GAB2: variants seen among roughly 807,000 people sequenced by gnomAD.
GAB2 encodes GRB2 associated binding protein 2.
In GAB2, 26 loss-of-function variants were observed where a neutral mutation model predicts 65.5. That is an observed-to-expected ratio of 0.40 (90% CI 0.29 to 0.55). The LOEUF is 0.55. Ranked by LOEUF, GAB2 falls within the 20% of genes least tolerant of loss-of-function variation. The pLI is 0.53. For synonymous variants in GAB2, 321 were observed against 329.6 expected, an observed-to-expected ratio of 0.97 and a Z score of 0.28; for missense variants, 884 against 875.8, an observed-to-expected ratio of 1.01 and a Z score of -0.12.
intron 1 of GAB2, 44 bp downstream of exon 1, chr11:78,417,602 G>A: frequency 9.5e-7 from 1 of 1,054,100 alleles, no homozygotes; most frequent in Non-Finnish European, 1.2e-6. Flanking sequence ...CGCAGGCCCC[G>A]GAGCGCCCCC....
chr11:78,292,003 GGT>G (rs71877307), intron 1 of GAB2, among the ~76,000 whole-genome samples: 105,098 of 147,682 alleles, frequency 0.71, 38,607 homozygotes, highest in Non-Finnish European at 0.83. Context: ...GGTGTGTAGG[GGT>G]GTGTGTGTGT....
chr11:78,379,145 T>A (rs1422832654), intron 1 of GAB2, among the ~76,000 whole-genome samples: 2 of 152,248 alleles, frequency 1.3e-5, no homozygotes, highest in African/African-American at 4.8e-5. Context: ...CAGTAACTCC[T>A]CCTGTTCACA....
intron 1 of GAB2, among the ~76,000 whole-genome samples, chr11:78,378,899 A>G (rs1254174835): frequency 2.0e-5 from 3 of 152,300 alleles, no homozygotes; most frequent in African/African-American, 4.8e-5. Context: ...CACATGCCCA[A>G]TCCAAAATAA....
At chr11:78,415,192 T>TA (rs1372215025) in intron 1 of GAB2, among the ~76,000 whole-genome samples, 6 of 152,224 alleles carry the variant, frequency 3.9e-5, no homozygotes, top group Non-Finnish European at 7.3e-5. Context: ...GTCAGTTTTT[T>TA]AAAAAATCGT....
chr11:78,413,109 G>A (rs1329284447), intron 1 of GAB2, among the ~76,000 whole-genome samples: 1 of 152,202 alleles, frequency 6.6e-6, no homozygotes, highest in Non-Finnish European at 1.5e-5. Flanking sequence ...TTTGGAAGTG[G>A]TGAGTTTGTG....
At chr11:78,253,415 C>T (rs988493842) in intron 2 of GAB2, among the ~76,000 whole-genome samples, 5 of 152,100 alleles carry the variant, frequency 3.3e-5, no homozygotes, top group East Asian at 1.9e-4. Context: ...CCTTAGCCTC[C>T]GGAATAGCCA....
At chr11:78,333,767 G>A (rs1005148792) in intron 1 of GAB2, among the ~76,000 whole-genome samples, 6 of 152,150 alleles carry the variant, frequency 3.9e-5, no homozygotes, top group African/African-American at 1.4e-4. Context: ...TTTCTTGGCA[G>A]CATTTGAGAC....
Position 78,416,698 on chromosome 11 carries a change from A to G in GAB2, c.75+948T>C, listed in dbSNP as rs547508998. 1.4e-4 allele frequency among the ~76,000 whole-genome samples: 21 copies of G among 151,212 alleles called. No homozygotes were observed. In the East Asian group the frequency reaches 3.9e-3, roughly 28 times the overall value. ...TCCAAACTCCCGCGACTACCCCAAG[A>G]CCATTTCGGCCAAATCTCAGTAACT... On this transcript the variant is annotated intron_variant, in intron 1 of 9. Coordinates refer to ENST00000361507, the MANE Select transcript of GAB2 (RefSeq NM_080491.3).
In GAB2 at chr11:78,244,999, A is replaced by G. The variant is rs1865257387; in HGVS notation, c.620+5158T>C. 2.0e-5 allele frequency among the ~76,000 whole-genome samples: 3 copies of G among 152,234 alleles called. No individual in the cohort carries two copies. The South Asian group carries it at 6.2e-4, about 32-fold the overall frequency. On this transcript the variant is annotated intron_variant, in intron 3 of 9. Transcript: ENST00000361507. ...CTATTTGCACCCCTATGTTTATTGC[A>G]TCATTAGTCACGATAGCCAAGATAA...
chr11:78,222,740 G>A (rs1420562613), intron 6 of GAB2, among the ~76,000 whole-genome samples: 2 of 151,832 alleles, frequency 1.3e-5, no homozygotes, highest in African/African-American at 2.4e-5. Flanking sequence ...CTGCCACCAC[G>A]CTTAGCTAAT....
chr11:78,327,245 A>G (rs1174155875), intron 1 of GAB2, among the ~76,000 whole-genome samples: 1 of 152,206 alleles, frequency 6.6e-6, no homozygotes, highest in Non-Finnish European at 1.5e-5. Context: ...TAAGAATGAT[A>G]AACAATCATG....
At chr11:78,308,059 T>C (rs1309091354) in intron 1 of GAB2, among the ~76,000 whole-genome samples, 1 of 152,202 alleles carries the variant, frequency 6.6e-6, no homozygotes, top group African/African-American at 2.4e-5. Flanking sequence ...CCCTTGGACA[T>C]TATTGGAACT....
intron 1 of GAB2, among the ~76,000 whole-genome samples, chr11:78,350,753 G>C (rs1856263285): frequency 1.3e-5 from 2 of 152,182 alleles, no homozygotes; most frequent in South Asian, 4.1e-4. Context: ...TTTTACTAAA[G>C]CTCCTTTGCT....
intron 3 of GAB2, among the ~76,000 whole-genome samples, chr11:78,234,454 T>C (rs889302200): frequency 6.6e-6 from 1 of 152,064 alleles, no homozygotes; most frequent in Admixed American, 6.6e-5. Flanking sequence ...AGTGGTGTGA[T>C]ATGAAGGGTT....
intron 1 of GAB2, among the ~76,000 whole-genome samples, chr11:78,409,926 C>T (rs982278954): frequency 6.6e-6 from 1 of 152,122 alleles, no homozygotes; most frequent in African/African-American, 2.4e-5. Context: ...AGAACTTACT[C>T]TACTCCCACA....
intron 3 of GAB2, among the ~76,000 whole-genome samples, chr11:78,234,818 T>C (rs1864940702): frequency 6.6e-6 from 1 of 152,002 alleles, no homozygotes; most frequent in African/African-American, 2.4e-5. Context: ...TTTGGTTGCT[T>C]GGCCAACATG....
At chr11:78,403,658 C>T (rs533671013) in intron 1 of GAB2, among the ~76,000 whole-genome samples, 2 of 152,310 alleles carry the variant, frequency 1.3e-5, no homozygotes, top group South Asian at 4.1e-4. Flanking sequence ...TGAGGAAATG[C>T]TCCAGGACAT....
chr11:78,350,259 C>A (rs993671382), intron 1 of GAB2, among the ~76,000 whole-genome samples: 1 of 152,136 alleles, frequency 6.6e-6, no homozygotes, highest in Non-Finnish European at 1.5e-5. Context: ...TAGGCTCTAG[C>A]GGGTAGCTCA....
chr11:78,332,727 G>C (rs1855936399), intron 1 of GAB2, among the ~76,000 whole-genome samples: 1 of 152,140 alleles, frequency 6.6e-6, no homozygotes, highest in South Asian at 2.1e-4. Flanking sequence ...TTGAACAGTA[G>C]GGAAACTAAA....
Sources: gnomAD v4.1 joint callset for allele counts (sites outside exome capture counted in the v4.1 genomes callset) on GRCh38, gnomAD v4.1.1 for gene constraint, MANE v1.5 for transcripts, NCBI Gene and HGNC (gene_info 2026-07-23, HGNC 2026-07-21) for gene names.